Variants in CASZ1 observed in about 807,000 individuals in gnomAD.
The protein encoded by CASZ1 is castor zinc finger 1.
In CASZ1, 28 loss-of-function variants were observed where a neutral mutation model predicts 135.2. The ratio of observed to expected loss-of-function variants is 0.21; its 90% CI spans 0.15 to 0.28. CASZ1 has a LOEUF of 0.28. Ranked by LOEUF, CASZ1 falls within the 10% of genes least tolerant of loss-of-function variation. The probability of loss-of-function intolerance (pLI) is 1.00; values close to 1 mark genes in which losing one functional copy is unlikely to be tolerated. For missense variants in CASZ1, 2,161 were observed against 2,453.3 expected, an observed-to-expected ratio of 0.88 and a Z score of 2.52; for synonymous variants, 1,068 against 1,073.4, an observed-to-expected ratio of 0.99 and a Z score of 0.10.
At chr1:10,761,837 A>C (rs1440021160) in intron 1 of CASZ1, among the ~76,000 whole-genome samples, 1 of 152,104 alleles carries the variant, frequency 6.6e-6, no homozygotes, top group South Asian at 2.1e-4. Context: ...GGTGCTGAGA[A>C]CCCAGAGGGG....
intron 1 of CASZ1, among the ~76,000 whole-genome samples, chr1:10,790,414 C>A (rs981009188): frequency 1.3e-5 from 2 of 152,200 alleles, no homozygotes; most frequent in Non-Finnish European, 2.9e-5. Context: ...GAATCTCCCC[C>A]TGAGCTCCCT....
In CASZ1 at chr1:10,660,125, A is replaced by C; in HGVS notation, c.917T>G (p.Val306Gly). The change falls in exon 6 of 21, where the codon GTA (valine) becomes GGA (glycine). Residue 306 changes from valine (V) to glycine (G), a missense_variant. Val to Gly is a moderately radical substitution (Grantham distance 109). Transcript: ENST00000377022. ...GAAGTCGTACTTGGAGGCCCGGGCT[A>C]CCAGGTTCTGCATCTGGACACTGCT... ...SHSSVQMQNL[V>G]ARASKYDFFI... is the part of the protein sequence containing the mutation. 1 of 1,614,066 alleles carries C rather than the reference A, an allele frequency of 6.2e-7. No homozygotes were observed. The highest frequency in any genetic ancestry group is 8.5e-7 in the Non-Finnish European group (1 of 1,179,984).
At chr1:10,712,358 TA>T (rs1557525709) in intron 2 of CASZ1, among the ~76,000 whole-genome samples, 1 of 151,876 alleles carries the variant, frequency 6.6e-6, no homozygotes. Context: ...AATAAATACA[TA>T]AATAAAATAA....
chr1:10,718,925 G>C (rs1639444967), intron 2 of CASZ1, among the ~76,000 whole-genome samples: 1 of 152,078 alleles, frequency 6.6e-6, no homozygotes, highest in Admixed American at 6.5e-5. Flanking sequence ...CCAGGCTGGA[G>C]TGCATTTGTG....
At chr1:10,648,810 GC>G in intron 15 of CASZ1, 1 of 504,186 alleles carries the variant, frequency 2.0e-6, no homozygotes. Flanking sequence ...ACTGATGGCT[GC>G]CCTGGGGACG....
In CASZ1 at chr1:10,786,587, G is replaced by A. The variant is rs903428802; in HGVS notation, c.-234+9977C>T. On this transcript the variant is annotated intron_variant, in intron 1 of 20. Transcript: ENST00000377022. ...GACATGTGGTCCTAACATTTCACAC[G>A]TCTTAGCTCGTGTAACCCTCACATC... 8.5e-5 allele frequency among the ~76,000 whole-genome samples: 13 copies of A among 152,150 alleles called. No individual in the cohort carries two copies. The South Asian group carries it at 1.2e-3, about 15-fold the overall frequency.
Position 10,759,702 on chromosome 1 carries a change from C to G in CASZ1, c.-77+999G>C, listed in dbSNP as rs564543862. Among the ~76,000 whole-genome samples, 1 of 152,246 alleles carries G rather than the reference C, an allele frequency of 6.6e-6. No homozygotes were observed. Among genetic ancestry groups the G allele is most frequent in the Non-Finnish European group, 1.5e-5 (1 of 68,022 alleles). ...CGAAGTCCAGGGCTGCTGAGCCCAG[C>G]CCCAGAGGGAGGGGCAGGACACACC... On this transcript the variant is annotated intron_variant, in intron 2 of 20. Coordinates refer to ENST00000377022, the MANE Select transcript of CASZ1 (RefSeq NM_001079843.3). This position sits in a 1 kb window ranked among gnomAD's most constrained non-coding sequence, Gnocchi z 4.2.
Position 10,647,722 on chromosome 1 carries a change from G to A in CASZ1, c.3497+79C>T, listed in dbSNP as rs1292927898. ...CAGCACCATCCGCAGTGAGGAACAGGGCCTCCTAGCGCCCTTGCTAGCACC... is the reference window on the plus strand; with the variant it reads ...CAGCACCATCCGCAGTGAGGAACAGAGCCTCCTAGCGCCCTTGCTAGCACC... On this transcript the variant is annotated intron_variant, in intron 16 of 20. Transcript: ENST00000377022. This position sits in a 1 kb window ranked among gnomAD's most constrained non-coding sequence, Gnocchi z 4.9. The A allele has an allele frequency of 1.3e-6, 2 of 1,593,872 alleles. No homozygotes were observed. The highest frequency in any genetic ancestry group is 1.1e-5 in the South Asian group (1 of 89,508).
In CASZ1 at chr1:10,650,951, TCA is replaced by T; in HGVS notation, c.2804_2805del (p.Val935GlufsTer25). Reference sequence around the variant, plus strand: ...GGGGCCTCGCCTCACCTGGGCTCCTTCACAGTCAGGTCTAGACTGCGGTCCTG... The same window carrying T: ...GGGGCCTCGCCTCACCTGGGCTCCTTCAGTCAGGTCTAGACTGCGGTCCTG... ...ASQDRSLDLT[V>X]KEPSNESNGH... is the part of the protein sequence containing the mutation. On this transcript the variant is annotated frameshift_variant, in exon 12 of 21. Transcript: ENST00000377022. LOFTEE classifies it high-confidence loss of function. The T allele has an allele frequency of 6.2e-7, 1 of 1,603,660 alleles. No individual in the cohort carries two copies. The highest frequency in any genetic ancestry group is 8.5e-7 in the Non-Finnish European group (1 of 1,177,484).
In CASZ1 at chr1:10,647,261, T is replaced by A. The variant is rs749942472; in HGVS notation, c.3497+540A>T. ...TATTGAGAACAGGAAGCCGCACACA[T>A]GACAATACAAAGTCACCGTTCTCCC... On this transcript the variant is annotated intron_variant, in intron 16 of 20. Transcript: ENST00000377022. This position sits in a 1 kb window ranked among gnomAD's most constrained non-coding sequence, Gnocchi z 4.9. 8.5e-4 allele frequency: 851 copies of A among 997,480 alleles called. 1 individual carries two copies. Among genetic ancestry groups the A allele is most frequent in the Non-Finnish European group, 9.5e-4 (797 of 836,320 alleles). 61.8% of individuals were successfully genotyped at this position (997,480 alleles called of 1,614,324 possible).
chr1:10,720,691 C>G lies in CASZ1; in HGVS notation c.-76-15147G>C, dbSNP rs149033262. On this transcript the variant is annotated intron_variant, in intron 2 of 20. Transcript: ENST00000377022. This position sits in a 1 kb window ranked among gnomAD's most constrained non-coding sequence, Gnocchi z 5.7. ...CTCCAGGCTTCGCTTCTGCTGCCCC[C>G]AGAAAACTTTCCATCTGGGGAGAGG... Among the ~76,000 whole-genome samples the G allele has an allele frequency of 3.9e-5, 6 of 152,354 alleles. No individual in the cohort carries two copies. Among genetic ancestry groups the G allele is most frequent in the African/African-American group, 7.2e-5 (3 of 41,586 alleles).
In CASZ1 at chr1:10,643,203, C is replaced by T. The variant is rs750585047; in HGVS notation, c.3977G>A (p.Arg1326Gln). ...GTCGAAGTTCTTCCCCAGCATCCTC[C>T]GCATGTGCTTCCGCGCGTGGGAGGT... is the stretch of plus-strand genomic sequence containing the variant. ...QMTSHARKHM[R>Q]RMLGKNFDRV... The change falls in exon 19 of 21, where the codon CGG (arginine) becomes CAG (glutamine). Residue 1326 changes from arginine to glutamine, a missense_variant. Physicochemically the swap from Arg to Gln is conservative, Grantham distance 43. Around this residue, in one of 7 missense-constraint regions of CASZ1, gnomAD observed 349 missense variants for 460.8 expected, o/e 0.76. Transcript: ENST00000377022. The T allele has an allele frequency of 3.7e-6, 6 of 1,612,428 alleles. No individual in the cohort carries two copies. The highest frequency in any genetic ancestry group is 1.7e-5 in the Admixed American group (1 of 60,000).
Position 10,702,263 on chromosome 1 carries a change from T to G in CASZ1, c.-24+3229A>C, listed in dbSNP as rs117588729. On this transcript the variant is annotated intron_variant, in intron 3 of 20. Transcript: ENST00000377022. ...TCAGCAGATCCCCTGCTTTCTGTCT[T>G]CCCTATGCACCTGCACCCTTTCAAG... Among the ~76,000 whole-genome samples the G allele has an allele frequency of 2.7e-3, 409 of 152,218 alleles. 14 individuals carry two copies. The East Asian group carries it at 0.066, about 24-fold the overall frequency.
At position 10,660,329 on chromosome 1, in the gene CASZ1, T is replaced by G. The variant is rs951802821; in HGVS notation, c.713A>C (p.Lys238Thr). The G allele has an allele frequency of 1.2e-6, 2 of 1,614,122 alleles. No homozygotes were observed. Among genetic ancestry groups the G allele is most frequent in the African/African-American group, 2.7e-5 (2 of 75,036 alleles). Residue 238 changes from lysine to threonine, a missense_variant, in exon 6 of 21, where the codon AAG becomes ACG. Lys to Thr is a moderately conservative substitution (Grantham distance 78). Around this residue, in one of 7 missense-constraint regions of CASZ1, gnomAD observed 590 missense variants for 609.8 expected, o/e 0.97. Coordinates refer to ENST00000377022, the MANE Select transcript of CASZ1 (RefSeq NM_001079843.3). ...DTLSKRARFS[K>T]YEEYIRKLKA... is the part of the protein sequence containing the mutation. ...GAGCTTGCGGATGTACTCCTCATAC[T>G]TAGAGAACCGCGCCCGCTTGCTGAG... is the stretch of plus-strand genomic sequence containing the variant.
rs552188407 is a variant in CASZ1 at position 10,699,258 on chromosome 1, C to T, written c.-23-5346G>A. On this transcript the variant is annotated intron_variant, in intron 3 of 20. Coordinates refer to ENST00000377022, the MANE Select transcript of CASZ1 (RefSeq NM_001079843.3). The surrounding 1 kb of genome is among the most constrained non-coding windows in gnomAD (Gnocchi z 4.6). ...CTCCTGGGAAGTCAACGGCCCTGAA[C>T]TGGCCAGGAGGAACGCCCTTGTGCC... 1.7e-4 allele frequency among the ~76,000 whole-genome samples: 26 copies of T among 152,374 alleles called. No individual in the cohort carries two copies. In the South Asian group the frequency reaches 5.4e-3, roughly 32 times the overall value.
rs903445989 is a variant in CASZ1 at position 10,643,164 on chromosome 1, G to C, written c.4016C>G (p.Ser1339Cys). 6.2e-7 allele frequency: 1 copy of C among 1,611,254 alleles called. No homozygotes were observed. The highest frequency in any genetic ancestry group is 1.1e-5 in the South Asian group (1 of 90,986). The stretch of plus-strand genomic sequence containing the variant: ...TCACCTGGGGGGGGCTCTCACCTGG[G>C]AGGGGGGCACGCGGTCGAAGTTCTT... ...LGKNFDRVPP[S>C]QGPPGLMDAE... is the part of the protein sequence containing the mutation. Residue 1339 changes from serine to cysteine, a missense_variant, in exon 19 of 21, where the codon TCC (serine) becomes TGC (cysteine). Ser to Cys is a moderately radical substitution (Grantham distance 112). Transcript: ENST00000377022.
At chr1:10,688,387 G>A (rs556958586) in intron 4 of CASZ1, among the ~76,000 whole-genome samples, 69 of 152,330 alleles carry the variant, frequency 4.5e-4, no homozygotes, top group African/African-American at 1.6e-3. Context: ...GAAAAAGACA[G>A]AAAAACGTGG....
At chr1:10,648,273 C>T in intron 15 of CASZ1, 134 bp from the exon 16 acceptor site, 1 of 650,454 alleles carries the variant, frequency 1.5e-6, no homozygotes. Flanking sequence ...TCCAGAAGTC[C>T]CCTGTGACCC....
Position 10,650,958 on chromosome 1 carries a change from C to T in CASZ1, c.2799G>A (p.Leu933=), listed in dbSNP as rs529109250. 2.9e-5 allele frequency: 46 copies of T among 1,596,328 alleles called. 1 individual carries two copies. The highest frequency in any genetic ancestry group is 2.0e-4 in the South Asian group (18 of 88,066). The change falls in exon 12 of 21, where the codon CTG becomes CTA. Residue 933 remains leucine, a synonymous_variant. Transcript: ENST00000377022. ...HEASQDRSLD[L]TVKEPSNESN... is the part of the protein sequence containing the mutation. ...CGCCTCACCTGGGCTCCTTCACAGT[C>T]AGGTCTAGACTGCGGTCCTGGGAGG...
Sources: allele counts gnomAD v4.1 joint callset (sites outside exome capture counted in the v4.1 genomes callset), GRCh38; gene constraint gnomAD v4.1.1; regional missense constraint gnomAD v4.1.1; non-coding constraint Gnocchi (gnomAD v3.1); transcripts MANE v1.5; gene names NCBI Gene and HGNC (gene_info 2026-07-23, HGNC 2026-07-21).